AGMO: variants seen among roughly 807,000 people sequenced by gnomAD.
AGMO encodes alkylglycerol monooxygenase, also known as glyceryl-ether monooxygenase.
In AGMO, 75 loss-of-function variants were observed where a neutral mutation model predicts 60.2. That is an observed-to-expected ratio of 1.25 (90% CI 1.03 to 1.51). AGMO has a LOEUF of 1.51. AGMO is among the 40% of genes most tolerant of loss of function. The probability of loss-of-function intolerance (pLI) is 0.00; values close to 1 mark genes in which losing one functional copy is unlikely to be tolerated. For synonymous variants in AGMO, 261 were observed against 177.1 expected (o/e 1.47, Z -3.76); for missense variants, 763 against 525.5 (o/e 1.45, Z -4.42).
chr7:15,194,135 C>CT, the AGMO span, among the ~76,000 whole-genome samples: 1 of 152,018 alleles, frequency 6.6e-6, no homozygotes, highest in Admixed American at 6.6e-5. Context: ...CAGTATTAAA[C>CT]TTTTTAATTT....
chr7:15,276,950 T>C (rs533169348), intron 12 of AGMO, among the ~76,000 whole-genome samples: 160 of 151,886 alleles, frequency 1.1e-3, no homozygotes, highest in Non-Finnish European at 2.1e-3. Flanking sequence ...GCCTTTCTGG[T>C]TTCTTTGTGT....
chr7:15,229,299 A>G (rs1030517912), intron 12 of AGMO, among the ~76,000 whole-genome samples: 1 of 152,120 alleles, frequency 6.6e-6, no homozygotes, highest in African/African-American at 2.4e-5. Context: ...CACATGTTCA[A>G]TTTATGAAAT....
At chr7:15,438,372 T>G (rs1057075504) in intron 3 of AGMO, among the ~76,000 whole-genome samples, 2 of 152,138 alleles carry the variant, frequency 1.3e-5, no homozygotes, top group African/African-American at 4.8e-5. Context: ...AGAACTGAAC[T>G]AGAAGGTAGA....
intron 12 of AGMO, among the ~76,000 whole-genome samples, chr7:15,202,479 A>AAC (rs1781320858): frequency 2.3e-5 from 3 of 129,504 alleles, no homozygotes; most frequent in Admixed American, 8.1e-5. Context: ...AAAAAAAAAA[A>AAC]AAAAAAAAAA....
At chr7:15,310,440 A>G (rs1780736867) in intron 12 of AGMO, among the ~76,000 whole-genome samples, 1 of 152,160 alleles carries the variant, frequency 6.6e-6, no homozygotes, top group Admixed American at 6.5e-5. Context: ...TTAGCTTTAA[A>G]TCAATCTGGA....
At chr7:15,218,772 G>C (rs1465096799) in intron 12 of AGMO, among the ~76,000 whole-genome samples, 1 of 152,062 alleles carries the variant, frequency 6.6e-6, no homozygotes, top group South Asian at 2.1e-4. Context: ...CAAGAAGAAA[G>C]ACTAACTCAG....
At chr7:15,260,934 T>A (rs901155675) in intron 12 of AGMO, among the ~76,000 whole-genome samples, 12 of 152,012 alleles carry the variant, frequency 7.9e-5, no homozygotes, top group Non-Finnish European at 1.3e-4. Context: ...AACAATGAAA[T>A]CAAGATGGAA....
At chr7:15,415,034 C>T (rs1322419754) in intron 5 of AGMO, among the ~76,000 whole-genome samples, 1 of 151,980 alleles carries the variant, frequency 6.6e-6, no homozygotes, top group Non-Finnish European at 1.5e-5. Flanking sequence ...CTGAAATTTT[C>T]AAAAGTAATC....
At chr7:15,206,386 G>T (rs1197041938) in intron 12 of AGMO, among the ~76,000 whole-genome samples, 2 of 152,032 alleles carry the variant, frequency 1.3e-5, no homozygotes, top group Non-Finnish European at 2.9e-5. Flanking sequence ...GAAAGAAAAT[G>T]TTGAAGAAAT....
chr7:15,195,229 T>A, the AGMO span, among the ~76,000 whole-genome samples: 1 of 152,106 alleles, frequency 6.6e-6, no homozygotes, highest in Non-Finnish European at 1.5e-5. Context: ...GTTCCTTGCC[T>A]CATGCCAGGG....
At chr7:15,435,275 G>C (rs1429725356) in intron 3 of AGMO, among the ~76,000 whole-genome samples, 1 of 149,424 alleles carries the variant, frequency 6.7e-6, no homozygotes, top group Non-Finnish European at 1.5e-5. Context: ...CATTTACCTT[G>C]TTAAGGACCT....
chr7:15,349,967 A>G (rs1204412145), intron 12 of AGMO, among the ~76,000 whole-genome samples: 1 of 152,128 alleles, frequency 6.6e-6, no homozygotes, highest in Admixed American at 6.6e-5. Flanking sequence ...ACACAGCCAA[A>G]TCATATCAAA....
At chr7:15,438,305 G>A (rs932691735) in intron 3 of AGMO, among the ~76,000 whole-genome samples, 1 of 151,662 alleles carries the variant, frequency 6.6e-6, no homozygotes, top group African/African-American at 2.4e-5. Flanking sequence ...GAGTAAGAAA[G>A]CTTATCATGT....
At chr7:15,283,175 A>T (rs1784014035) in intron 12 of AGMO, among the ~76,000 whole-genome samples, 2 of 152,102 alleles carry the variant, frequency 1.3e-5, no homozygotes, top group Non-Finnish European at 2.9e-5. Context: ...AAACAATAAC[A>T]CAATGAAGAA....
intron 12 of AGMO, among the ~76,000 whole-genome samples, chr7:15,356,173 T>G (rs1287883608): frequency 1.3e-5 from 2 of 152,184 alleles, no homozygotes; most frequent in Non-Finnish European, 2.9e-5. Flanking sequence ...CAAGCACATT[T>G]GCTACAATCC....
At chr7:15,315,481 G>T (rs1434624578) in intron 12 of AGMO, among the ~76,000 whole-genome samples, 3 of 151,752 alleles carry the variant, frequency 2.0e-5, no homozygotes, top group Admixed American at 1.3e-4. Context: ...GGGATTACAG[G>T]CATGCGCCAC....
the AGMO span, among the ~76,000 whole-genome samples, chr7:15,142,820 T>G: frequency 1.3e-5 from 2 of 152,188 alleles, no homozygotes; most frequent in Non-Finnish European, 2.9e-5. Flanking sequence ...TTTCTGCTAA[T>G]ATATACTTAA....
intron 12 of AGMO, among the ~76,000 whole-genome samples, chr7:15,363,471 G>T (rs1045249853): frequency 6.6e-6 from 1 of 152,100 alleles, no homozygotes; most frequent in South Asian, 2.1e-4. Flanking sequence ...TCCTTTTACA[G>T]ACGAGCAAAG....
chr7:15,277,330 T>C (rs1783828559), intron 12 of AGMO, among the ~76,000 whole-genome samples: 1 of 146,064 alleles, frequency 6.8e-6, no homozygotes, highest in South Asian at 2.3e-4. Context: ...AATAAATAAA[T>C]AAATAAATAA....
Sources: gnomAD v4.1 joint callset for allele counts (sites outside exome capture counted in the v4.1 genomes callset) on GRCh38, gnomAD v4.1.1 for gene constraint, MANE v1.5 for transcripts, NCBI Gene and HGNC (gene_info 2026-07-23, HGNC 2026-07-21) for gene names.